The following RGL1 variants were observed in gnomAD, a reference collection of about 807,000 sequenced individuals.
RGL1 encodes ral guanine nucleotide dissociation stimulator-like 1.
Under a neutral mutation model 95.2 loss-of-function variants are expected in RGL1, and 24 were observed. The observed-to-expected ratio is 0.25, with a 90% CI of 0.18 to 0.35. The LOEUF (loss-of-function observed/expected upper bound fraction) is 0.35, where lower values mean the gene tolerates loss of function less well. RGL1 is among the 10% of genes least tolerant of loss of function. The pLI is 1.00. For synonymous variants in RGL1, 329 were observed against 344.9 expected, an observed-to-expected ratio of 0.95 and a Z score of 0.51; for missense variants, 715 against 936.3, an observed-to-expected ratio of 0.76 and a Z score of 3.08.
intron 2 of RGL1, among the ~76,000 whole-genome samples, chr1:183,765,340 C>T (rs1000523191): frequency 6.6e-6 from 1 of 152,150 alleles, no homozygotes; most frequent in Admixed American, 6.5e-5. Context: ...AACCACATTG[C>T]AATGAATTAA....
intron 1 of RGL1, among the ~76,000 whole-genome samples, chr1:183,671,740 C>T (rs568151472): frequency 1.3e-5 from 2 of 152,092 alleles, no homozygotes; most frequent in Non-Finnish European, 2.9e-5. Context: ...TCAGTTCAAT[C>T]TGGTTTTCCA....
At chr1:183,705,990 G>A (rs1043095424) in intron 1 of RGL1, among the ~76,000 whole-genome samples, 41 of 152,238 alleles carry the variant, frequency 2.7e-4, no homozygotes, top group African/African-American at 9.2e-4. Flanking sequence ...GTGATTGAGG[G>A]TGTGGAAGTA....
At position 183,724,403 on chromosome 1, in the gene RGL1, C is replaced by G. The variant is rs1210294095; in HGVS notation, c.-32-17723C>G. Reference sequence around the variant, plus strand: ...AAGCCCTGGCTCTTGGACAGCATTTCTGGACGTCCCCTAGGCCAGAGGGGA... The same window carrying G: ...AAGCCCTGGCTCTTGGACAGCATTTGTGGACGTCCCCTAGGCCAGAGGGGA... On this transcript the variant is annotated intron_variant, in intron 1 of 18. Transcript: ENST00000304685. This position sits in a 1 kb window ranked among gnomAD's most constrained non-coding sequence, Gnocchi z 4.1. Among the ~76,000 whole-genome samples, 1 of 152,192 alleles carries G rather than the reference C, an allele frequency of 6.6e-6. No homozygotes were observed. Among genetic ancestry groups the G allele is most frequent in the Non-Finnish European group, 1.5e-5 (1 of 68,040 alleles).
intron 9 of RGL1, among the ~76,000 whole-genome samples, chr1:183,894,451 T>C (rs1315363823): frequency 1.3e-5 from 2 of 152,248 alleles, no homozygotes; most frequent in Non-Finnish European, 2.9e-5. Flanking sequence ...TCATTAATGA[T>C]AGTGAAATGC....
At position 183,899,058 on chromosome 1, in the gene RGL1, G is replaced by T. The variant is rs574044862; in HGVS notation, c.1231-1092G>T. On this transcript the variant is annotated intron_variant, in intron 10 of 17. Transcript: ENST00000360851. ...AAGGAGATTTAGTGAAATGAATATAGTGTATCCCTGCAGTTGTAGGTAGAA... is the reference window on the plus strand; with the variant it reads ...AAGGAGATTTAGTGAAATGAATATATTGTATCCCTGCAGTTGTAGGTAGAA... 2.6e-5 allele frequency among the ~76,000 whole-genome samples: 4 copies of T among 152,290 alleles called. No individual in the cohort carries two copies. In the East Asian group the frequency reaches 7.7e-4, roughly 29 times the overall value.
At chr1:183,820,036 C>G (rs540215036) in intron 2 of RGL1, among the ~76,000 whole-genome samples, 2 of 152,098 alleles carry the variant, frequency 1.3e-5, no homozygotes, top group African/African-American at 4.8e-5. Flanking sequence ...ATCCTCCCAC[C>G]TTGGGCCCCT....
At chr1:183,871,906 A>G (rs1052798263) in intron 4 of RGL1, among the ~76,000 whole-genome samples, 1 of 152,212 alleles carries the variant, frequency 6.6e-6, no homozygotes, top group Non-Finnish European at 1.5e-5. Context: ...TCAGTTGCAA[A>G]GGATTCAACT....
intron 1 of RGL1, among the ~76,000 whole-genome samples, chr1:183,727,142 T>A (rs1656357214): frequency 6.6e-6 from 1 of 152,018 alleles, no homozygotes; most frequent in Non-Finnish European, 1.5e-5. Flanking sequence ...ATGAAATATA[T>A]AAAAAACGTA....
rs1418578088 is a variant in RGL1 at position 183,724,426 on chromosome 1, G to T, written c.-32-17700G>T. Reference sequence around the variant, plus strand: ...TTCTGGACGTCCCCTAGGCCAGAGGGGAGCCCACTTCCCTGACATATGAGT... The same window carrying T: ...TTCTGGACGTCCCCTAGGCCAGAGGTGAGCCCACTTCCCTGACATATGAGT... On this transcript the variant is annotated intron_variant, in intron 1 of 18. Coordinates refer to the RGL1 transcript ENST00000304685. This position sits in a 1 kb window ranked among gnomAD's most constrained non-coding sequence, Gnocchi z 4.1. 6.6e-6 allele frequency among the ~76,000 whole-genome samples: 1 copy of T among 152,140 alleles called. No homozygotes were observed. Among genetic ancestry groups the T allele is most frequent in the Admixed American group, 6.6e-5 (1 of 15,258 alleles).
At chr1:183,692,969 T>G (rs1366468600) in intron 1 of RGL1, among the ~76,000 whole-genome samples, 1 of 152,056 alleles carries the variant, frequency 6.6e-6, no homozygotes, top group Non-Finnish European at 1.5e-5. Flanking sequence ...TTTTTTTTTT[T>G]TTTGAGATGG....
upstream of RGL1, among the ~76,000 whole-genome samples, chr1:183,803,185 G>A (rs1374851725): frequency 6.6e-6 from 1 of 152,150 alleles, no homozygotes; most frequent in African/African-American, 2.4e-5. Flanking sequence ...AATTCCATGA[G>A]AAGACATCAT....
chr1:183,684,983 C>G (rs1375923052), intron 1 of RGL1, among the ~76,000 whole-genome samples: 2 of 152,208 alleles, frequency 1.3e-5, no homozygotes. Context: ...GAAAATCACC[C>G]GCCTTCTGCG....
intron 2 of RGL1, among the ~76,000 whole-genome samples, chr1:183,758,205 T>TTC (rs1241527305): frequency 6.6e-6 from 1 of 151,782 alleles, no homozygotes; most frequent in Non-Finnish European, 1.5e-5. Context: ...AGAATTTTTT[T>TTC]TTTTTTTTTG....
At chr1:183,895,368 TAAGC>T (rs1486591588) in intron 9 of RGL1, among the ~76,000 whole-genome samples, 1 of 151,786 alleles carries the variant, frequency 6.6e-6, no homozygotes, top group Admixed American at 6.6e-5. Context: ...AGGTGAGACT[TAAGC>T]AAGCCATTTG....
intron 9 of RGL1, among the ~76,000 whole-genome samples, chr1:183,895,753 G>C (rs1244195341): frequency 2.6e-5 from 4 of 152,116 alleles, no homozygotes; most frequent in Non-Finnish European, 5.9e-5. Flanking sequence ...GGATGTGGCA[G>C]GTAAGTGGAT....
chr1:183,660,768 C>T (rs1375840474), intron 1 of RGL1, among the ~76,000 whole-genome samples: 1 of 152,072 alleles, frequency 6.6e-6, no homozygotes, highest in Middle Eastern at 3.2e-3. Context: ...TTTTTCAGCA[C>T]CACACCACAC....
At chr1:183,640,502 G>A (rs945596726) in intron 1 of RGL1, among the ~76,000 whole-genome samples, 1 of 151,910 alleles carries the variant, frequency 6.6e-6, no homozygotes, top group Non-Finnish European at 1.5e-5. Context: ...AAAAAAAATT[G>A]TAAATCTCTT....
At position 183,883,826 on chromosome 1, in the gene RGL1, A is replaced by G. The variant is rs374186100; in HGVS notation, c.651A>G (p.Glu217=). The change falls in exon 6 of 18, where the codon GAA becomes GAG. Residue 217 remains glutamate (E), a synonymous_variant. Coordinates refer to ENST00000360851, the MANE Select transcript of RGL1 (RefSeq NM_001297671.3). ...CGATCTCCTTCAGCCTGGAAGAGGA[A>G]GAGGAACTGGAGGGTGGAGAGTCAG... ...PNTISFSLEE[E]EELEGGESAE... is the part of the protein sequence containing the mutation. 135 of 1,613,982 alleles carry G rather than the reference A, an allele frequency of 8.4e-5. No individual in the cohort carries two copies. The highest frequency in any genetic ancestry group is 1.1e-4 in the Non-Finnish European group (133 of 1,179,910).
chr1:183,775,587 G>T (rs1355814541), intron 2 of RGL1, among the ~76,000 whole-genome samples: 1 of 152,202 alleles, frequency 6.6e-6, no homozygotes, highest in Non-Finnish European at 1.5e-5. Context: ...AAACAATTTA[G>T]TTTGAACATG....
Sources: gnomAD v4.1 joint callset for allele counts (sites outside exome capture counted in the v4.1 genomes callset) on GRCh38, gnomAD v4.1.1 for gene constraint, Gnocchi (gnomAD v3.1) non-coding constraint, MANE v1.5 for transcripts, NCBI Gene and HGNC (gene_info 2026-07-23, HGNC 2026-07-21) for gene names.